Variants in ADAM18 observed in about 807,000 individuals in gnomAD.
The protein encoded by ADAM18 is disintegrin and metalloproteinase domain-containing protein 18.
Under a neutral mutation model 94.4 loss-of-function variants are expected in ADAM18, and 117 were observed. The ratio of observed to expected loss-of-function variants is 1.24; its 90% CI spans 1.07 to 1.45. The LOEUF is 1.45. ADAM18 is among the 40% of genes most tolerant of loss of function. The pLI is 0.00. For synonymous variants in ADAM18, 327 were observed against 291.6 expected (o/e 1.12, Z -1.24); for missense variants, 936 against 880.0 (o/e 1.06, Z -0.81).
chr8:39,585,003 G>A (rs1818356568), intron 1 of ADAM18, among the ~76,000 whole-genome samples: 1 of 152,162 alleles, frequency 6.6e-6, no homozygotes, highest in South Asian at 2.1e-4. Flanking sequence ...GAGTCCTGAG[G>A]AAGCAAGTCT....
intron 10 of ADAM18, 116 bp from the exon 11 acceptor site, chr8:39,645,222 A>G: frequency 1.2e-6 from 1 of 844,728 alleles, no homozygotes; most frequent in Admixed American, 3.1e-5. Flanking sequence ...ATTGTTGTGA[A>G]GTATGCTTAA....
At chr8:39,663,598 CAAAAAAA>C (rs10597769) in intron 12 of ADAM18, among the ~76,000 whole-genome samples, 190 bp from the exon 13 acceptor site, 3 of 19,590 alleles carry the variant, frequency 1.5e-4, no homozygotes, top group Non-Finnish European at 2.5e-4. Context: ...AATCCTGTCT[CAAAAAAA>C]AAAAAAAAAA....
At chr8:39,683,177 T>C (rs918967352) in intron 16 of ADAM18, among the ~76,000 whole-genome samples, 25 of 152,270 alleles carry the variant, frequency 1.6e-4, no homozygotes, top group African/African-American at 5.1e-4. Flanking sequence ...GAGTAATACA[T>C]GGGAAGAAAG....
chr8:39,699,034 C>G (rs532059537), intron 17 of ADAM18, among the ~76,000 whole-genome samples: 1 of 152,140 alleles, frequency 6.6e-6, no homozygotes, highest in South Asian at 2.1e-4. Flanking sequence ...TTTCCAACCC[C>G]TGCATTTCAA....
intron 17 of ADAM18, among the ~76,000 whole-genome samples, chr8:39,704,580 A>T (rs1429746043): frequency 2.0e-5 from 3 of 152,242 alleles, no homozygotes; most frequent in African/African-American, 7.2e-5. Context: ...AGTAAATTCT[A>T]TAATGTGACT....
At chr8:39,713,177 CA>C (rs1424984061) in intron 18 of ADAM18, among the ~76,000 whole-genome samples, 1 of 152,114 alleles carries the variant, frequency 6.6e-6, no homozygotes, top group African/African-American at 2.4e-5. Flanking sequence ...CTGACAAAAA[CA>C]AGAAATGGGG....
intron 2 of ADAM18, among the ~76,000 whole-genome samples, chr8:39,598,361 A>C (rs1330534096): frequency 1.3e-5 from 2 of 152,060 alleles, no homozygotes; most frequent in African/African-American, 4.8e-5. Flanking sequence ...TTCAAAACCT[A>C]TGTATGATGT....
intron 14 of ADAM18, among the ~76,000 whole-genome samples, chr8:39,669,151 A>G (rs1234189484): frequency 6.6e-6 from 1 of 151,950 alleles, no homozygotes; most frequent in East Asian, 1.9e-4. Flanking sequence ...GTAAAATTAA[A>G]TAATACTTTC....
chr8:39,708,685 G>T (rs1474781160), intron 18 of ADAM18, among the ~76,000 whole-genome samples: 1 of 152,230 alleles, frequency 6.6e-6, no homozygotes. Flanking sequence ...GCAGGAGGGA[G>T]TGTGTGAGTG....
At chr8:39,677,393 T>G in intron 14 of ADAM18, 38 bp from the exon 15 acceptor site, 1 of 1,493,262 alleles carries the variant, frequency 6.7e-7, no homozygotes, top group Non-Finnish European at 9.2e-7. Flanking sequence ...TAACTCATAT[T>G]AAGAATGATA....
intron 17 of ADAM18, among the ~76,000 whole-genome samples, chr8:39,698,090 C>T (rs112280050): frequency 4.6e-5 from 7 of 151,692 alleles, no homozygotes; most frequent in African/African-American, 1.7e-4. Flanking sequence ...GTACTGTGTT[C>T]CAAATACATG....
chr8:39,699,331 A>C (rs1304000907), intron 17 of ADAM18, among the ~76,000 whole-genome samples: 3 of 152,098 alleles, frequency 2.0e-5, no homozygotes, highest in Admixed American at 1.3e-4. Flanking sequence ...ACTTGCTAAA[A>C]AATTTAGGAA....
chr8:39,584,761 G>C, intron 1 of ADAM18, 84 bp downstream of exon 1: 1 of 1,504,598 alleles, frequency 6.6e-7, no homozygotes, highest in Non-Finnish European at 9.2e-7. Context: ...TGTCATTCTG[G>C]GACCCTCCCC....
intron 7 of ADAM18, among the ~76,000 whole-genome samples, chr8:39,632,544 A>G (rs1156350460): frequency 6.6e-6 from 1 of 152,080 alleles, no homozygotes; most frequent in Non-Finnish European, 1.5e-5. Context: ...TTTACAAGTA[A>G]CCTGATCTTT....
At chr8:39,620,187 T>G (rs576657317) in intron 6 of ADAM18, among the ~76,000 whole-genome samples, 3 of 151,982 alleles carry the variant, frequency 2.0e-5, no homozygotes, top group East Asian at 3.9e-4. Context: ...AGAGTGAAAG[T>G]AAATTCCTAT....
At chr8:39,720,585 C>T (rs191206804) in intron 18 of ADAM18, among the ~76,000 whole-genome samples, 1 of 151,416 alleles carries the variant, frequency 6.6e-6, no homozygotes, top group East Asian at 1.9e-4. Context: ...ATTAGAAACA[C>T]TTTATATTAA....
intron 6 of ADAM18, chr8:39,611,398 A>C: frequency 1.0e-6 from 1 of 967,136 alleles, no homozygotes; most frequent in Non-Finnish European, 1.2e-6. Context: ...TGTGTTTTGA[A>C]ATTAAATTAG....
At chr8:39,623,091 C>T (rs1819659901) in intron 6 of ADAM18, among the ~76,000 whole-genome samples, 1 of 152,140 alleles carries the variant, frequency 6.6e-6, no homozygotes, top group African/African-American at 2.4e-5. Context: ...TTGCATACCA[C>T]TTAAAAGTGA....
At chr8:39,632,252 C>T (rs77339113) in intron 7 of ADAM18, among the ~76,000 whole-genome samples, 2,513 of 151,762 alleles carry the variant, frequency 0.017, 58 homozygotes, top group African/African-American at 0.058. Context: ...TTGCTTGACT[C>T]TGCAGTACAA....
Sources: allele counts gnomAD v4.1 joint callset (sites outside exome capture counted in the v4.1 genomes callset), GRCh38; gene constraint gnomAD v4.1.1; transcripts MANE v1.5; gene names NCBI Gene and HGNC (gene_info 2026-07-23, HGNC 2026-07-21).